TAF11L11: variants seen among roughly 807,000 people sequenced by gnomAD.
TAF11L11 encodes the protein TATA-box binding protein associated factor 11 like 11.
chr5:17,605,296 C>T (rs752982885), exon 1 of TAF11L11: 1 of 394,288 alleles, frequency 2.5e-6, no homozygotes, highest in Non-Finnish European at 4.5e-6. Flanking sequence ...CGCTGCAGCC[C>T]AAGCATTTAC....
At chr5:17,604,550 C>G (rs567056189) in exon 1 of TAF11L11, 1 of 253,532 alleles carries the variant, frequency 3.9e-6, no homozygotes, top group African/African-American at 2.2e-5. Flanking sequence ...GACTAATATA[C>G]TCTCCATCCA....
chr5:17,605,883 G>T (rs766174798), downstream of TAF11L11, among the ~76,000 whole-genome samples: 1 of 151,328 alleles, frequency 6.6e-6, no homozygotes, highest in Admixed American at 6.6e-5. Context: ...TTTCCAAACT[G>T]CAGAAATAAA....
chr5:17,605,615 C>G (rs1739154350), downstream of TAF11L11, among the ~76,000 whole-genome samples: 2 of 151,314 alleles, frequency 1.3e-5, no homozygotes, highest in South Asian at 4.2e-4. Flanking sequence ...TTTTCTCTGT[C>G]TTTCTAGTTG....
chr5:17,605,013 G>C (rs572936390), exon 1 of TAF11L11: 1 of 394,056 alleles, frequency 2.5e-6, no homozygotes, highest in East Asian at 3.6e-5. Flanking sequence ...GATACCAAGG[G>C]GAAGAAGGAG....
At chr5:17,605,252 C>T (rs1483192190) in exon 1 of TAF11L11, 1 of 395,228 alleles carries the variant, frequency 2.5e-6, no homozygotes, top group Non-Finnish European at 4.5e-6. Context: ...GGAAGAGGCC[C>T]TGGACGTGTG....
chr5:17,604,832 C>G (rs1043830557), exon 1 of TAF11L11: 2 of 388,962 alleles, frequency 5.1e-6, no homozygotes, highest in Non-Finnish European at 9.1e-6. Context: ...CCCCATGCCC[C>G]GAGGTCTGAA....
At position 17,604,458 on chromosome 5, in the gene TAF11L11, G is replaced by C. The variant is rs1162547936; in HGVS notation, c.-323G>C. ...ACTCTGAGCAGGAGGCAGTCACTTG[G>C]CCTAGCAGAACTTCTGACCTGTGAG... On this transcript the variant is annotated 5_prime_UTR_variant, in exon 1 of 1. Coordinates refer to ENST00000510838, the Ensembl canonical transcript of TAF11L11. 1.7e-5 allele frequency: 3 copies of C among 171,576 alleles called. 1 individual carries two copies. Among genetic ancestry groups the C allele is most frequent in the Non-Finnish European group, 3.7e-5 (3 of 81,572 alleles). The allele number at this position is 171,576 out of a possible 1,614,324, so 10.6% of individuals were successfully genotyped here.
chr5:17,605,498 C>T (rs566356082), downstream of TAF11L11: 2 of 385,690 alleles, frequency 5.2e-6, no homozygotes, highest in Admixed American at 9.0e-5. Context: ...TACCCACGAT[C>T]TTAGTGTCTG....
exon 1 of TAF11L11, chr5:17,604,987 T>C (rs78647243): frequency 2.0e-5 from 8 of 393,164 alleles, no homozygotes; most frequent in East Asian, 1.8e-4. Context: ...CTCCTTCAGC[T>C]AAAAGGCAGA....
exon 1 of TAF11L11, chr5:17,604,786 G>A (rs1215675016): frequency 2.6e-6 from 1 of 385,622 alleles, no homozygotes; most frequent in Non-Finnish European, 4.6e-6. Context: ...CACCCATGGA[G>A]ACAGGCAGGC....
chr5:17,605,287 G>A (rs1561008269), exon 1 of TAF11L11: 8 of 394,490 alleles, frequency 2.0e-5, no homozygotes, highest in Non-Finnish European at 2.7e-5. Flanking sequence ...AAACGCCCCC[G>A]CTGCAGCCCA....
chr5:17,605,258 G>A lies in TAF11L11; in HGVS notation c.478G>A (p.Val160Met), dbSNP rs149316523. The A allele has an allele frequency of 2.4e-3, 939 of 395,236 alleles. 28 individuals carry two copies. The highest frequency in any genetic ancestry group is 4.5e-3 in the Admixed American group (101 of 22,526). The allele number at this position is 395,236 out of a possible 1,614,324, so 24.5% of individuals were successfully genotyped here. The change falls in exon 1 of 1, where the codon GTG (valine) becomes ATG (methionine). Residue 160 changes from valine to methionine, a missense_variant. Transcript: ENST00000510838. Reference sequence around the variant, plus strand: ...AGAGGTGGTGGAAGAGGCCCTGGACGTGTGCGAAATGTGGGGAGAAACGCC... The same window carrying A: ...AGAGGTGGTGGAAGAGGCCCTGGACATGTGCGAAATGTGGGGAGAAACGCC...
chr5:17,604,911 G>T, exon 1 of TAF11L11: 1 of 391,898 alleles, frequency 2.6e-6, no homozygotes, highest in Non-Finnish European at 4.5e-6. Flanking sequence ...GATCAGGAAA[G>T]TGAGCTCAGG....
At chr5:17,605,182 G>A (rs1319414448) in exon 1 of TAF11L11, 1 of 395,444 alleles carries the variant, frequency 2.5e-6, no homozygotes, top group Admixed American at 4.4e-5. Flanking sequence ...GCAGATCGGT[G>A]TCTGAGAACA....
exon 1 of TAF11L11, chr5:17,605,180 G>C (rs1739141812): frequency 2.5e-6 from 1 of 395,424 alleles, no homozygotes; most frequent in African/African-American, 2.1e-5. Flanking sequence ...TGGCAGATCG[G>C]TGTCTGAGAA....
At chr5:17,605,056 G>C (rs1328200188) in exon 1 of TAF11L11, 1 of 394,388 alleles carries the variant, frequency 2.5e-6, no homozygotes, top group Admixed American at 4.5e-5. Context: ...AGGAGGCTCA[G>C]AGGATGACAA....
chr5:17,604,398 A>G (rs1049871223), exon 1 of TAF11L11: 1 of 160,806 alleles, frequency 6.2e-6, no homozygotes, highest in East Asian at 1.8e-4. Context: ...GGTGACGACC[A>G]CACAGCCAGA....
exon 1 of TAF11L11, chr5:17,604,631 G>A: frequency 3.0e-6 from 1 of 331,228 alleles, no homozygotes; most frequent in Non-Finnish European, 5.4e-6. Context: ...GGAGGCAGGG[G>A]GCTGTGTCCA....
At chr5:17,605,494 C>T (rs546616880), downstream of TAF11L11, 7 of 385,738 alleles carry the variant, frequency 1.8e-5, 1 homozygote, top group South Asian at 1.4e-4. Context: ...GATTTACCCA[C>T]GATCTTAGTG....
Sources: gnomAD v4.1 joint callset for allele counts (sites outside exome capture counted in the v4.1 genomes callset) on GRCh38, gnomAD v4.1.1 for gene constraint, MANE v1.5 for transcripts, NCBI Gene and HGNC (gene_info 2026-07-23, HGNC 2026-07-21) for gene names.